PLEKHG1: variants seen among roughly 807,000 people sequenced by gnomAD.
PLEKHG1 encodes the protein pleckstrin homology and RhoGEF domain containing G1, also known as pleckstrin homology domain-containing family G member 1.
In PLEKHG1, 44 loss-of-function variants were observed where a neutral mutation model predicts 100.8. That is an observed-to-expected ratio of 0.44 (90% CI 0.34 to 0.56). The LOEUF (loss-of-function observed/expected upper bound fraction) is 0.56, where lower values mean the gene tolerates loss of function less well. PLEKHG1 is among the 20% of genes least tolerant of loss of function. The pLI, the probability that PLEKHG1 is intolerant of heterozygous loss-of-function variation, is 0.01. For missense variants in PLEKHG1, 1,545 were observed against 1,720.9 expected (o/e 0.90, Z 1.81); for synonymous variants, 640 against 662.5 (o/e 0.97, Z 0.52).
chr6:150,703,674 A>G (rs1780894413), intron 3 of PLEKHG1, among the ~76,000 whole-genome samples: 1 of 152,050 alleles, frequency 6.6e-6, no homozygotes, highest in Non-Finnish European at 1.5e-5. Flanking sequence ...AAATCAGTCT[A>G]GAATATATTC....
chr6:150,683,983 C>T lies in PLEKHG1; in HGVS notation c.-99+33197C>T, dbSNP rs59466561. The T allele has an allele frequency of 0.19, 72,554 of 385,712 alleles. 7,435 individuals carry two copies. Among genetic ancestry groups the T allele is most frequent in the South Asian group, 0.26 (12,167 of 47,562 alleles). The allele number at this position is 385,712 out of a possible 1,614,324, so 23.9% of individuals were successfully genotyped here. ...ATGGAAGGATAAAAGTATCAGGCAG[C>T]CTCCTCGGGCGGAGACCGCAGGTAG... On this transcript the variant is annotated intron_variant, in intron 3 of 3. Transcript: ENST00000367326. The surrounding 1 kb of genome is among the most constrained non-coding windows in gnomAD (Gnocchi z 4.0).
chr6:150,795,234 C>G (rs1398026622), intron 4 of PLEKHG1, among the ~76,000 whole-genome samples: 1 of 151,732 alleles, frequency 6.6e-6, no homozygotes, highest in Non-Finnish European at 1.5e-5. Flanking sequence ...ACTAAAAATA[C>G]AAAAAACTAG....
chr6:150,840,699 T>C, exon 16 of PLEKHG1: 1 of 1,614,216 alleles, frequency 6.2e-7, no homozygotes, highest in Non-Finnish European at 8.5e-7. Context: ...CGGCAACACA[T>C]TGCATTCTTT....
At chr6:150,674,627 T>C (rs200502533) in intron 3 of PLEKHG1, among the ~76,000 whole-genome samples, 696 of 59,906 alleles carry the variant, frequency 0.012, 46 homozygotes, top group South Asian at 0.036. Flanking sequence ...TTTCTCTCTC[T>C]CCTCCCTCTC....
intron 3 of PLEKHG1, chr6:150,662,960 T>C (rs756765736): frequency 1.1e-4 from 17 of 152,176 alleles, no homozygotes; most frequent in Non-Finnish European, 2.2e-4. Flanking sequence ...AAAGCACTTA[T>C]GAAAAGTATG....
intron 14 of PLEKHG1, among the ~76,000 whole-genome samples, chr6:150,825,417 A>C (rs1228059259): frequency 6.6e-6 from 1 of 152,080 alleles, no homozygotes; most frequent in African/African-American, 2.4e-5. Context: ...TCTCTACAAA[A>C]AAAAAGTACA....
chr6:150,809,409 T>C, exon 9 of PLEKHG1: 1 of 1,613,898 alleles, frequency 6.2e-7, no homozygotes, highest in Non-Finnish European at 8.5e-7. Context: ...GTGGAGGTGA[T>C]TCCAAAAGAG....
At chr6:150,615,716 C>G (rs1309776978) in intron 1 of PLEKHG1, among the ~76,000 whole-genome samples, 4 of 152,082 alleles carry the variant, frequency 2.6e-5, no homozygotes. Context: ...AATAAGCAGA[C>G]CGGATATGAG....
At chr6:150,620,902 C>T in intron 1 of PLEKHG1, among the ~76,000 whole-genome samples, 1 of 152,232 alleles carries the variant, frequency 6.6e-6, no homozygotes, top group South Asian at 2.1e-4. Flanking sequence ...GAGAGAGTCT[C>T]TCTTAGGAAC....
intron 15 of PLEKHG1, among the ~76,000 whole-genome samples, chr6:150,832,602 A>G (rs1254950464): frequency 1.3e-5 from 2 of 152,066 alleles, no homozygotes; most frequent in Non-Finnish European, 2.9e-5. Context: ...GGAAGCATAT[A>G]GAATAACATT....
intron 1 of PLEKHG1, among the ~76,000 whole-genome samples, chr6:150,611,807 A>T (rs145416895): frequency 7.8e-6 from 1 of 127,722 alleles, no homozygotes; most frequent in Admixed American, 7.9e-5. Flanking sequence ...GTGAGACTCC[A>T]TCTCAAAAAA....
rs776042752 is a variant in PLEKHG1, at chr6:150,840,237, G to C, written c.3499G>C (p.Gly1167Arg). 3.7e-6 allele frequency: 6 copies of C among 1,614,134 alleles called. No individual in the cohort carries two copies. In the Admixed American group the frequency reaches 1.0e-4, roughly 27 times the overall value. The change falls in exon 16 of 16, where the codon GGT becomes CGT. Residue 1167 changes from glycine to arginine, a missense_variant. By Grantham distance (125) the Gly-to-Arg change is moderately radical. Coordinates refer to ENST00000358517, the Ensembl canonical transcript of PLEKHG1. ...TCAGGACCATCTTTACAACTCCTTG[G>C]GTCGGAAAGGGATCAGCGCTAAATC...
intron 12 of PLEKHG1, 98 bp downstream of exon 13, chr6:150,819,872 C>G: frequency 2.6e-6 from 2 of 770,406 alleles, no homozygotes; most frequent in Non-Finnish European, 4.7e-6. Flanking sequence ...TCTGGTTTCT[C>G]AGCTCACTGC....
chr6:150,645,361 A>T (rs1365585586), intron 2 of PLEKHG1, among the ~76,000 whole-genome samples: 2 of 152,252 alleles, frequency 1.3e-5, no homozygotes, highest in Non-Finnish European at 2.9e-5. Flanking sequence ...AGTGTTTAAA[A>T]GAAATATATA....
rs371001828 is a variant in PLEKHG1, at chr6:150,728,769, G to A, written c.-98-4815G>A. ...AAATTAGCCAGGCATGGTGGCGGGC[G>A]CCTGTAATCCCAGCTACTCAGGAGG... On this transcript the variant is annotated intron_variant, in intron 1 of 15. Coordinates refer to ENST00000358517, the Ensembl canonical transcript of PLEKHG1. 3.8e-4 allele frequency among the ~76,000 whole-genome samples: 58 copies of A among 151,758 alleles called. 1 individual carries two copies. In the East Asian group the frequency reaches 9.8e-3, roughly 26 times the overall value.
Position 150,733,850 on chromosome 6 carries a change from AT to A in PLEKHG1, c.171del (p.Pro58LeufsTer75). The A allele has an allele frequency of 6.2e-7, 1 of 1,614,210 alleles. No individual in the cohort carries two copies. Among genetic ancestry groups the A allele is most frequent in the Non-Finnish European group, 8.5e-7 (1 of 1,180,040 alleles). ...GGTAGGGGCCATAAAACTGGAGCTG[AT>A]TCCTGCCAGGCCGTTTTCCAGCAGC... On this transcript the variant is annotated frameshift_variant, in exon 2 of 16. Transcript: ENST00000358517. LOFTEE classifies it high-confidence loss of function.
intron 3 of PLEKHG1, chr6:150,662,904 T>G (rs980799288): frequency 2.6e-5 from 4 of 152,206 alleles, no homozygotes. Flanking sequence ...GCTTTTTATG[T>G]TTTATGATAT....
At chr6:150,794,632 A>G (rs994651891) in intron 4 of PLEKHG1, among the ~76,000 whole-genome samples, 1 of 152,164 alleles carries the variant, frequency 6.6e-6, no homozygotes, top group Admixed American at 6.5e-5. Flanking sequence ...GCGCCACTGC[A>G]CTGCAGCCTG....
intron 6 of PLEKHG1, among the ~76,000 whole-genome samples, chr6:150,804,275 C>T (rs1786908671): frequency 1.4e-5 from 2 of 142,170 alleles, no homozygotes; most frequent in Non-Finnish European, 1.5e-5. Context: ...CAACCTCTGT[C>T]CCCCAGGTTC....
Sources: gnomAD v4.1 joint callset for allele counts (sites outside exome capture counted in the v4.1 genomes callset) on GRCh38, gnomAD v4.1.1 for gene constraint, Gnocchi (gnomAD v3.1) non-coding constraint, MANE v1.5 for transcripts, NCBI Gene and HGNC (gene_info 2026-07-23, HGNC 2026-07-21) for gene names.